The following JMY variants were observed in gnomAD, a reference collection of about 807,000 sequenced individuals.
JMY encodes junction mediating and regulatory protein, p53 cofactor, also known as junction-mediating and -regulatory protein.
Under a neutral mutation model 103.3 loss-of-function variants are expected in JMY, and 46 were observed. The observed-to-expected ratio is 0.45, with a 90% CI of 0.35 to 0.57. The LOEUF is 0.57. Ranked by LOEUF, JMY falls within the 20% of genes least tolerant of loss-of-function variation. The pLI is 0.00. For synonymous variants in JMY, 526 were observed against 489.3 expected, an observed-to-expected ratio of 1.07 and a Z score of -0.99; for missense variants, 1,238 against 1,255.2, an observed-to-expected ratio of 0.99 and a Z score of 0.21.
chr5:79,290,814 C>A (rs576763488), intron 3 of JMY, among the ~76,000 whole-genome samples: 2 of 152,080 alleles, frequency 1.3e-5, no homozygotes. Flanking sequence ...GGTGAAACCC[C>A]ATCTCTACTA....
intron 1 of JMY, among the ~76,000 whole-genome samples, chr5:79,247,277 A>G (rs1744932293): frequency 6.6e-6 from 1 of 152,140 alleles, no homozygotes. Context: ...TTAGAGAATG[A>G]TGCAATCCAA....
At chr5:79,312,650 T>C (rs1393947868) in intron 8 of JMY, 152 bp downstream of exon 8, 1 of 422,854 alleles carries the variant, frequency 2.4e-6, no homozygotes, top group African/African-American at 2.1e-5. Context: ...TAAAATTGTT[T>C]TAATGGCATG....
intron 1 of JMY, among the ~76,000 whole-genome samples, chr5:79,272,358 T>C (rs1163720209): frequency 1.3e-5 from 2 of 152,184 alleles, no homozygotes; most frequent in African/African-American, 4.8e-5. Flanking sequence ...TTATATTTCA[T>C]ATAATTCTTG....
At chr5:79,254,262 A>G (rs1452141846) in intron 1 of JMY, among the ~76,000 whole-genome samples, 2 of 152,068 alleles carry the variant, frequency 1.3e-5, no homozygotes, top group African/African-American at 4.8e-5. Context: ...CCAGCTTGGT[A>G]GATGACTTTT....
intron 1 of JMY, among the ~76,000 whole-genome samples, chr5:79,240,550 C>T (rs1744706503): frequency 6.6e-6 from 1 of 152,192 alleles, no homozygotes; most frequent in African/African-American, 2.4e-5. Flanking sequence ...CTCAGGTGAT[C>T]TAACTGCCTC....
intron 4 of JMY, among the ~76,000 whole-genome samples, chr5:79,298,139 G>A (rs902779703): frequency 3.3e-5 from 5 of 152,138 alleles, no homozygotes; most frequent in African/African-American, 9.7e-5. Flanking sequence ...CATCATGAAC[G>A]TAGCAGAAAA....
intron 1 of JMY, among the ~76,000 whole-genome samples, chr5:79,263,020 T>C (rs151275621): frequency 1.3e-5 from 2 of 152,314 alleles, no homozygotes; most frequent in East Asian, 3.9e-4. Flanking sequence ...AGAAGCCTAG[T>C]GTTTGAGGGT....
At chr5:79,288,213 C>G (rs1010064073) in intron 2 of JMY, among the ~76,000 whole-genome samples, 6 of 152,172 alleles carry the variant, frequency 3.9e-5, no homozygotes, top group African/African-American at 1.2e-4. Flanking sequence ...AACCTACTTT[C>G]CTAGTATCTC....
chr5:79,236,716 C>T lies in JMY; in HGVS notation c.66C>T (p.Asp22=), dbSNP rs1484843067. ...DWVAVRPHVF[D]EREKHKFVFI... ...TGGCTGTGCGGCCCCATGTGTTCGA[C>T]GAGCGCGAGAAACACAAATTCGTCT... Residue 22 remains aspartate, a synonymous_variant, in exon 1 of 11, where the codon GAC becomes GAT. Transcript: ENST00000396137. 4.0e-6 allele frequency: 6 copies of T among 1,501,042 alleles called. No homozygotes were observed. In the East Asian group the frequency reaches 1.7e-4, roughly 43 times the overall value. 93.0% of individuals were successfully genotyped at this position (1,501,042 alleles called of 1,614,324 possible).
At chr5:79,258,797 G>C (rs1343933620) in intron 1 of JMY, among the ~76,000 whole-genome samples, 3 of 152,184 alleles carry the variant, frequency 2.0e-5, no homozygotes, top group African/African-American at 7.2e-5. Flanking sequence ...GGAGCTCCTA[G>C]GTCTGGGCTC....
In JMY at chr5:79,277,748, G is replaced by A. The variant is rs534884111; in HGVS notation, c.1033-162G>A. On this transcript the variant is annotated intron_variant, in intron 1 of 10. Transcript: ENST00000396137. Reference sequence around the variant, plus strand: ...CATGGTCTTGAGTAGTGAGACACCAGAAGTATGGAGATAGTGATGAAAAGC... The same window carrying A: ...CATGGTCTTGAGTAGTGAGACACCAAAAGTATGGAGATAGTGATGAAAAGC... 2.7e-3 allele frequency among the ~76,000 whole-genome samples: 406 copies of A among 152,304 alleles called. 2 individuals carry two copies. Among genetic ancestry groups the A allele is most frequent in the Non-Finnish European group, 4.3e-3 (291 of 68,020 alleles).
chr5:79,303,664 G>A (rs572798389), intron 6 of JMY, among the ~76,000 whole-genome samples: 2 of 152,218 alleles, frequency 1.3e-5, no homozygotes, highest in South Asian at 4.2e-4. Context: ...AAGGGTAATC[G>A]AAGTTGGAAG....
chr5:79,250,127 G>A lies in JMY; in HGVS notation c.1032+12445G>A, dbSNP rs951671146. 4.6e-5 allele frequency among the ~76,000 whole-genome samples: 7 copies of A among 152,248 alleles called. No homozygotes were observed. In the East Asian group the frequency reaches 1.4e-3, roughly 29 times the overall value. On this transcript the variant is annotated intron_variant, in intron 1 of 10. Transcript: ENST00000396137. Reference sequence around the variant, plus strand: ...CTGAAGCAACTCATACTGATGCTGGGTTCCTCCTAAACCCAAACTTGTTTG... The same window carrying A: ...CTGAAGCAACTCATACTGATGCTGGATTCCTCCTAAACCCAAACTTGTTTG...
intron 1 of JMY, among the ~76,000 whole-genome samples, chr5:79,269,571 T>C (rs1408268895): frequency 6.6e-6 from 1 of 152,212 alleles, no homozygotes; most frequent in Non-Finnish European, 1.5e-5. Context: ...TGCATACACA[T>C]GGAATATTTC....
intron 1 of JMY, among the ~76,000 whole-genome samples, chr5:79,259,372 G>T (rs1179437203): frequency 2.6e-5 from 4 of 152,126 alleles, no homozygotes; most frequent in Admixed American, 2.6e-4. Context: ...AATGGTCCGT[G>T]GGCAAACATG....
chr5:79,256,040 G>A (rs1043048735), intron 1 of JMY, among the ~76,000 whole-genome samples: 2 of 152,218 alleles, frequency 1.3e-5, no homozygotes, highest in African/African-American at 4.8e-5. Context: ...ATTCCCCCAG[G>A]TCCCTGATGG....
At chr5:79,270,917 G>T (rs1473159717) in intron 1 of JMY, among the ~76,000 whole-genome samples, 1 of 151,738 alleles carries the variant, frequency 6.6e-6, no homozygotes, top group Non-Finnish European at 1.5e-5. Flanking sequence ...TGTTTTTGTA[G>T]TAGATGACAA....
intron 10 of JMY, among the ~76,000 whole-genome samples, chr5:79,320,138 C>T (rs1332262080): frequency 6.6e-6 from 1 of 152,002 alleles, no homozygotes; most frequent in Non-Finnish European, 1.5e-5. Flanking sequence ...TGCAGTACTT[C>T]AGGAGGCTGG....
intron 6 of JMY, 126 bp downstream of exon 6, chr5:79,300,989 A>G (rs540680567): frequency 9.7e-6 from 7 of 720,778 alleles, no homozygotes; most frequent in African/African-American, 3.6e-5. Context: ...TCAGTGCTCA[A>G]TGCGTTTATA....
Sources: gnomAD v4.1 joint callset for allele counts (sites outside exome capture counted in the v4.1 genomes callset) on GRCh38, gnomAD v4.1.1 for gene constraint, MANE v1.5 for transcripts, NCBI Gene and HGNC (gene_info 2026-07-23, HGNC 2026-07-21) for gene names.